UTRN: variants seen among roughly 807,000 people sequenced by gnomAD.
The protein encoded by UTRN is dystrophin-related protein 1.
In UTRN, 283 loss-of-function variants were observed where a neutral mutation model predicts 463.9. The observed-to-expected ratio is 0.61, with a 90% CI of 0.55 to 0.67. UTRN has a LOEUF of 0.67. Ranked by LOEUF, UTRN falls within the 30% of genes least tolerant of loss-of-function variation. The pLI is 0.00. For synonymous variants in UTRN, 1,442 were observed against 1,431.5 expected, an observed-to-expected ratio of 1.01 and a Z score of -0.17; for missense variants, 3,922 against 4,084.3, an observed-to-expected ratio of 0.96 and a Z score of 1.08.
chr6:144,644,062 G>A (rs1778049978), intron 51 of UTRN, among the ~76,000 whole-genome samples: 1 of 152,064 alleles, frequency 6.6e-6, no homozygotes. Context: ...GCAAAGCAGG[G>A]AAATATATGA....
chr6:144,557,427 A>T, intron 50 of UTRN, 116 bp downstream of exon 50: 1 of 858,198 alleles, frequency 1.2e-6, no homozygotes, highest in Non-Finnish European at 1.6e-6. Flanking sequence ...TTTTATTATT[A>T]TGTATTTTTA....
chr6:144,612,868 A>AAC (rs1562649599), intron 51 of UTRN, among the ~76,000 whole-genome samples: 2 of 152,150 alleles, frequency 1.3e-5, no homozygotes, highest in Non-Finnish European at 1.5e-5. Context: ...TATCCAAAGA[A>AAC]ACTGCAATCA....
chr6:144,683,791 G>A (rs1214164066), intron 52 of UTRN, among the ~76,000 whole-genome samples: 1 of 152,046 alleles, frequency 6.6e-6, no homozygotes, highest in East Asian at 1.9e-4. Context: ...ACACCAAACG[G>A]CCTGAATACC....
chr6:144,828,749 A>C, intron 68 of UTRN, 41 bp from the exon 69 acceptor site: 2 of 1,549,390 alleles, frequency 1.3e-6, no homozygotes, highest in Non-Finnish European at 1.8e-6. Context: ...ACCATGTCCT[A>C]TATGGCCATG....
intron 39 of UTRN, among the ~76,000 whole-genome samples, chr6:144,519,627 TG>T (rs1452764644): frequency 6.6e-6 from 1 of 152,068 alleles, no homozygotes; most frequent in Non-Finnish European, 1.5e-5. Flanking sequence ...ATCACTCTCT[TG>T]GGGGAAAAAA....
At chr6:144,842,163 T>C (rs1163205997) in intron 73 of UTRN, among the ~76,000 whole-genome samples, 4 of 145,136 alleles carry the variant, frequency 2.8e-5, no homozygotes, top group Non-Finnish European at 6.1e-5. Context: ...AAAGAGATTA[T>C]CAATTATCAG....
Position 144,514,698 on chromosome 6 carries a change from C to A in UTRN, c.5122C>A (p.Arg1708Ser), listed in dbSNP as rs200075258. The change falls in exon 37 of 75, where the codon CGC becomes AGC. Residue 1708 changes from arginine to serine, a missense_variant. Arg to Ser is a moderately radical substitution (Grantham distance 110, BLOSUM62 -1). Around this residue, in one of 3 missense-constraint regions of UTRN, gnomAD observed 2,349 missense variants for 2,303.8 expected, o/e 1.02. Transcript: ENST00000367545. ...TGCCAACCTCCAGGTTGAAAATGTC[C>A]GCGATCAAGCCCTTATTTTGATGAA... The part of the protein sequence containing the change: ...DDANLQVENV[R>S]DQALILMNAR... The A allele has an allele frequency of 1.9e-6, 3 of 1,614,120 alleles. No individual in the cohort carries two copies. The highest frequency in any genetic ancestry group is 2.5e-6 in the Non-Finnish European group (3 of 1,180,014).
In UTRN at chr6:144,375,286, T is replaced by TG. The variant is rs113586105; in HGVS notation, c.80-27831dup. Among the ~76,000 whole-genome samples, 1,279 of 152,294 alleles carry TG rather than the reference T, an allele frequency of 8.4e-3. 18 individuals are homozygous for TG. The highest frequency in any genetic ancestry group is 0.029 in the African/African-American group (1,187 of 41,558). ...TTTTAGAACTATTAACAGATGAGAC[T>TG]GGGGGGCATTTTATGGTTATAAGAG... On this transcript the variant is annotated intron_variant, in intron 2 of 74. Transcript: ENST00000367545.
Position 144,604,328 on chromosome 6 carries a change from T to G in UTRN, c.7479+27040T>G, listed in dbSNP as rs78162557. ...GGGGCAACTTCCACTCAATTATGAA[T>G]GATGTTGCCTGAAGAAATCAATTAG... On this transcript the variant is annotated intron_variant, in intron 51 of 74. Coordinates refer to ENST00000367545, the MANE Select transcript of UTRN (RefSeq NM_007124.3). Among the ~76,000 whole-genome samples the G allele has an allele frequency of 2.5e-3, 374 of 152,268 alleles. 12 individuals carry two copies. The East Asian group carries it at 0.057, about 23-fold the overall frequency.
At chr6:144,306,480 G>A (rs74671) in intron 2 of UTRN, among the ~76,000 whole-genome samples, 83,735 of 151,886 alleles carry the variant, frequency 0.55, 25,950 homozygotes, top group African/African-American at 0.85. Flanking sequence ...GATGATGGGT[G>A]GTGGATGGGA....
At chr6:144,701,073 A>C (rs888219739) in intron 53 of UTRN, among the ~76,000 whole-genome samples, 2 of 151,994 alleles carry the variant, frequency 1.3e-5, no homozygotes, top group Non-Finnish European at 2.9e-5. Context: ...TGCCCGGCTA[A>C]TTTTTGTATT....
intron 6 of UTRN, among the ~76,000 whole-genome samples, chr6:144,424,778 C>G (rs1004893134): frequency 6.6e-6 from 1 of 152,166 alleles, no homozygotes; most frequent in Non-Finnish European, 1.5e-5. Context: ...CATTTGTACT[C>G]TCTCTCAGTC....
intron 61 of UTRN, among the ~76,000 whole-genome samples, chr6:144,784,428 G>T (rs1428204477): frequency 2.0e-5 from 3 of 152,172 alleles, no homozygotes; most frequent in Non-Finnish European, 2.9e-5. Flanking sequence ...TCTTCACATG[G>T]TTTTTCCTTG....
chr6:144,715,028 G>T (rs182238523), intron 53 of UTRN, among the ~76,000 whole-genome samples: 1 of 152,150 alleles, frequency 6.6e-6, no homozygotes, highest in South Asian at 2.1e-4. Context: ...CACCTTCTCT[G>T]TATTCACTCC....
intron 25 of UTRN, among the ~76,000 whole-genome samples, chr6:144,478,707 A>G (rs1189160711): frequency 6.6e-6 from 1 of 152,200 alleles, no homozygotes; most frequent in Non-Finnish European, 1.5e-5. Context: ...TCCACCTAGC[A>G]GCCAAGCAGG....
intron 51 of UTRN, among the ~76,000 whole-genome samples, chr6:144,596,853 T>C (rs1803696983): frequency 1.3e-5 from 2 of 152,200 alleles, no homozygotes; most frequent in Admixed American, 6.5e-5. Context: ...CCTTGCATAC[T>C]TTACTGTTGA....
intron 13 of UTRN, among the ~76,000 whole-genome samples, chr6:144,443,708 T>C (rs1469241276): frequency 1.3e-5 from 2 of 152,198 alleles, no homozygotes; most frequent in South Asian, 2.1e-4. Flanking sequence ...ATGTAACTTA[T>C]GGGGAATTTT....
chr6:144,533,198 A>AC lies in UTRN; in HGVS notation c.6172dup (p.Leu2058ProfsTer18). 1 of 1,614,168 alleles carries AC rather than the reference A, an allele frequency of 6.2e-7. No individual in the cohort carries two copies. Among genetic ancestry groups the AC allele is most frequent in the African/African-American group, 1.3e-5 (1 of 75,046 alleles). On this transcript the variant is annotated frameshift_variant, in exon 43 of 75. Transcript: ENST00000367545. LOFTEE classifies it high-confidence loss of function. ...CAGATGGAAGCTTCTTGAAAGAAAA[A>AC]CTGGCAGGTTTAAACCAACGCTGGG... is the stretch of plus-strand genomic sequence containing the variant.
intron 51 of UTRN, among the ~76,000 whole-genome samples, chr6:144,657,194 G>A (rs1165515353): frequency 6.8e-6 from 1 of 146,484 alleles, no homozygotes; most frequent in African/African-American, 2.5e-5. Context: ...AGGTTGCGCT[G>A]AGCTGAGATC....
Sources: gnomAD v4.1 joint callset for allele counts (sites outside exome capture counted in the v4.1 genomes callset) on GRCh38, gnomAD v4.1.1 for gene constraint, gnomAD v4.1.1 regional missense constraint, MANE v1.5 for transcripts, NCBI Gene and HGNC (gene_info 2026-07-23, HGNC 2026-07-21) for gene names.